CMSS1: variants seen among roughly 807,000 people sequenced by gnomAD.
The protein encoded by CMSS1 is cms1 ribosomal small subunit homolog.
In CMSS1, 33 loss-of-function variants were observed where a neutral mutation model predicts 43.5. The ratio of observed to expected loss-of-function variants is 0.76; its 90% CI spans 0.57 to 1.01. The LOEUF (loss-of-function observed/expected upper bound fraction) is 1.01, where lower values mean the gene tolerates loss of function less well. CMSS1 is among the 50% of genes least tolerant of loss of function. CMSS1 has a pLI of 0.00. For synonymous variants in CMSS1, 115 were observed against 117.2 expected, an observed-to-expected ratio of 0.98 and a Z score of 0.12; for missense variants, 313 against 326.4, an observed-to-expected ratio of 0.96 and a Z score of 0.32.
chr3:99,913,528 T>TA (rs1706858906), intron 1 of CMSS1, among the ~76,000 whole-genome samples: 1 of 152,202 alleles, frequency 6.6e-6, no homozygotes, highest in African/African-American at 2.4e-5. Flanking sequence ...GGATACAATC[T>TA]AAAGCTCATA....
chr3:99,867,001 C>G (rs1468441762), intron 1 of CMSS1, among the ~76,000 whole-genome samples: 1 of 152,170 alleles, frequency 6.6e-6, no homozygotes. Flanking sequence ...TCCTTTTCAG[C>G]AACTTCTGAA....
chr3:100,014,857 A>G (rs1472414064), intron 1 of CMSS1, among the ~76,000 whole-genome samples: 3 of 36,822 alleles, frequency 8.1e-5, no homozygotes, highest in African/African-American at 1.2e-4. Flanking sequence ...ATGCAACACC[A>G]TTTGTCTTTT....
chr3:99,945,819 G>A (rs1462367876), intron 1 of CMSS1, among the ~76,000 whole-genome samples: 1 of 152,188 alleles, frequency 6.6e-6, no homozygotes, highest in African/African-American at 2.4e-5. Flanking sequence ...TTTTTAAAAA[G>A]AGAAACCCTG....
chr3:100,026,083 T>G (rs2064915216), intron 1 of CMSS1, among the ~76,000 whole-genome samples: 1 of 152,136 alleles, frequency 6.6e-6, no homozygotes, highest in African/African-American at 2.4e-5. Context: ...GGAGTTTTTT[T>G]CAAGAAGCTT....
At chr3:100,177,422 C>T (rs1350420694) in intron 9 of CMSS1, among the ~76,000 whole-genome samples, 1 of 152,208 alleles carries the variant, frequency 6.6e-6, no homozygotes, top group African/African-American at 2.4e-5. Flanking sequence ...GACTAATCTA[C>T]TAAGTTTCTA....
intron 1 of CMSS1, among the ~76,000 whole-genome samples, chr3:100,070,077 T>G (rs987812970): frequency 6.6e-6 from 1 of 152,222 alleles, no homozygotes; most frequent in Non-Finnish European, 1.5e-5. Context: ...CACATGGCAC[T>G]GTCATAAGGT....
Position 99,926,550 on chromosome 3 carries a change from C to A in CMSS1, c.64+108507C>A, listed in dbSNP as rs998354101. Among the ~76,000 whole-genome samples the A allele has an allele frequency of 3.9e-5, 6 of 152,300 alleles. 1 individual carries two copies. The highest frequency in any genetic ancestry group is 1.9e-4 in the East Asian group (1 of 5,184). ...TGAAATAGTGATAGGATCAGCTTTA[C>A]TTTAGGGAAGTTATTAGTTGACTTA... On this transcript the variant is annotated intron_variant, in intron 1 of 9. Transcript: ENST00000421999.
intron 1 of CMSS1, among the ~76,000 whole-genome samples, chr3:100,111,267 A>G (rs753608869): frequency 6.6e-6 from 1 of 152,146 alleles, no homozygotes; most frequent in African/African-American, 2.4e-5. Context: ...CCTGTTTGCT[A>G]ATACCACTTT....
In CMSS1 at chr3:99,817,970, C is replaced by G. The variant is rs1942354184; in HGVS notation, c.-10C>G. 3 of 1,614,018 alleles carry G rather than the reference C, an allele frequency of 1.9e-6. No homozygotes were observed. The highest frequency in any genetic ancestry group is 1.7e-6 in the Non-Finnish European group (2 of 1,179,954). On this transcript the variant is annotated 5_prime_UTR_variant, in exon 1 of 10. Transcript: ENST00000421999. Reference sequence around the variant, plus strand: ...CGTGATGTTCTGCCCACGTCGAGACCTGAGCTGAAATGGCAGACGATCTCG... The same window carrying G: ...CGTGATGTTCTGCCCACGTCGAGACGTGAGCTGAAATGGCAGACGATCTCG...
At chr3:99,984,534 C>G (rs891882977) in intron 1 of CMSS1, among the ~76,000 whole-genome samples, 1 of 152,064 alleles carries the variant, frequency 6.6e-6, no homozygotes, top group African/African-American at 2.4e-5. Context: ...TCCTCTAGCC[C>G]CTGGTCACTG....
chr3:99,944,268 C>A (rs1707939608), intron 1 of CMSS1, among the ~76,000 whole-genome samples: 3 of 152,124 alleles, frequency 2.0e-5, no homozygotes, highest in Admixed American at 2.0e-4. Flanking sequence ...AGAACCAGTG[C>A]TTGTTGTTTA....
chr3:99,922,115 C>T (rs775846173), intron 1 of CMSS1, among the ~76,000 whole-genome samples: 37 of 152,184 alleles, frequency 2.4e-4, no homozygotes, highest in Non-Finnish European at 7.3e-5. Context: ...TGGGCAGGGA[C>T]AGTCTGTACC....
At chr3:99,886,816 A>G (rs917292640) in intron 1 of CMSS1, among the ~76,000 whole-genome samples, 1 of 151,938 alleles carries the variant, frequency 6.6e-6, no homozygotes, top group African/African-American at 2.4e-5. Flanking sequence ...CCAAAAATAC[A>G]AAAATTAGCC....
chr3:100,071,721 G>C (rs554249787), intron 1 of CMSS1, among the ~76,000 whole-genome samples: 1 of 152,196 alleles, frequency 6.6e-6, no homozygotes, highest in East Asian at 1.9e-4. Context: ...TCTTGGCCAA[G>C]ACTGCTCCTC....
At chr3:99,849,241 T>G (rs1391673854) in intron 1 of CMSS1, 1 of 1,614,022 alleles carries the variant, frequency 6.2e-7, no homozygotes, top group African/African-American at 1.3e-5. Context: ...GAGGCTCTTG[T>G]AATCAGGTGG....
At position 100,178,382 on chromosome 3, in the gene CMSS1, T is replaced by C; in HGVS notation, c.834T>C (p.Leu278=). ...AGTCAGAATCCTTGAAACTGGGCCT[T>C]TTCTAAGTCTGTGTCCTAATGAAGA... is the stretch of plus-strand genomic sequence containing the variant. ...LCKSESLKLG[L]F The change falls in exon 10 of 10, where the codon CTT becomes CTC. Residue 278 remains leucine, a synonymous_variant. Coordinates refer to ENST00000421999, the MANE Select transcript of CMSS1 (RefSeq NM_032359.4). 1 of 1,608,146 alleles carries C rather than the reference T, an allele frequency of 6.2e-7. No individual in the cohort carries two copies. Among genetic ancestry groups the C allele is most frequent in the Non-Finnish European group, 8.5e-7 (1 of 1,174,804 alleles).
At chr3:99,915,191 T>C (rs929904000) in intron 1 of CMSS1, among the ~76,000 whole-genome samples, 1 of 152,194 alleles carries the variant, frequency 6.6e-6, no homozygotes, top group Non-Finnish European at 1.5e-5. Flanking sequence ...ATGACCATGC[T>C]AACCGAAGGG....
At chr3:99,851,570 A>T (rs1476608817) in intron 1 of CMSS1, among the ~76,000 whole-genome samples, 1 of 152,250 alleles carries the variant, frequency 6.6e-6, no homozygotes, top group Non-Finnish European at 1.5e-5. Context: ...GCGGTAATTC[A>T]TCTAAGATTC....
chr3:100,151,857 C>T (rs1057268740), intron 2 of CMSS1, among the ~76,000 whole-genome samples: 1 of 152,142 alleles, frequency 6.6e-6, no homozygotes, highest in Non-Finnish European at 1.5e-5. Flanking sequence ...AAAATCTTGT[C>T]ATCTAAATCA....
Sources: allele counts gnomAD v4.1 joint callset (sites outside exome capture counted in the v4.1 genomes callset), GRCh38; gene constraint gnomAD v4.1.1; transcripts MANE v1.5; gene names NCBI Gene and HGNC (gene_info 2026-07-23, HGNC 2026-07-21).